SLC38A10: variants seen among roughly 807,000 people sequenced by gnomAD.
SLC38A10 encodes the protein Sodium-coupled neutral amino acid transporter 10.
A neutral mutation model predicts 81.0 loss-of-function variants in SLC38A10; 53 were observed. The observed-to-expected ratio is 0.65, with a 90% CI of 0.53 to 0.82. The LOEUF (loss-of-function observed/expected upper bound fraction) is 0.82, where lower values mean the gene tolerates loss of function less well. Among genes scored for constraint, SLC38A10 ranks in the 40% least tolerant of loss-of-function variants. The pLI, the probability that SLC38A10 is intolerant of heterozygous loss-of-function variation, is 0.00. For missense variants in SLC38A10, 1,471 were observed against 1,545.0 expected (o/e 0.95, Z 0.80); for synonymous variants, 665 against 655.3 (o/e 1.01, Z -0.23).
intron 1 of SLC38A10, among the ~76,000 whole-genome samples, chr17:81,292,852 C>T (rs2063321273): frequency 6.6e-6 from 1 of 152,180 alleles, no homozygotes; most frequent in Non-Finnish European, 1.5e-5. Flanking sequence ...TCAAAGATGA[C>T]AGCATTTGGG....
intron 1 of SLC38A10, among the ~76,000 whole-genome samples, chr17:81,293,342 G>A (rs2063324510): frequency 6.6e-6 from 1 of 152,258 alleles, no homozygotes; most frequent in Non-Finnish European, 1.5e-5. Context: ...ACCAGATGCT[G>A]CCCGGGGGGC....
intron 6 of SLC38A10, among the ~76,000 whole-genome samples, chr17:81,279,349 G>A (rs1174105383): frequency 6.6e-6 from 1 of 152,208 alleles, no homozygotes; most frequent in Non-Finnish European, 1.5e-5. Flanking sequence ...AATCACACAG[G>A]CAGGGGGCGC....
chr17:81,255,092 A>ACGGTGAG (rs1374049316), intron 11 of SLC38A10, among the ~76,000 whole-genome samples: 2 of 152,262 alleles, frequency 1.3e-5, no homozygotes, highest in African/African-American at 4.8e-5. Flanking sequence ...GGAAGTGAGC[A>ACGGTGAG]CGGTGAGCCG....
At chr17:81,292,545 C>A (rs2063319566) in intron 1 of SLC38A10, among the ~76,000 whole-genome samples, 1 of 152,126 alleles carries the variant, frequency 6.6e-6, no homozygotes, top group African/African-American at 2.4e-5. Flanking sequence ...CTGCTGGCGT[C>A]TCCCTGCGCC....
At chr17:81,249,599 G>A (rs967514510) in intron 14 of SLC38A10, among the ~76,000 whole-genome samples, 11 of 151,804 alleles carry the variant, frequency 7.2e-5, no homozygotes, top group Non-Finnish European at 1.0e-4. Flanking sequence ...CAGAAGCCAC[G>A]TGGGACACAT....
intron 11 of SLC38A10, among the ~76,000 whole-genome samples, chr17:81,255,319 C>T (rs2062961967): frequency 6.6e-6 from 1 of 152,278 alleles, no homozygotes; most frequent in Non-Finnish European, 1.5e-5. Flanking sequence ...CAGCCTTCTC[C>T]ACAACGGAGC....
chr17:81,266,265 CG>C (rs1314212240), intron 10 of SLC38A10, among the ~76,000 whole-genome samples: 1 of 152,206 alleles, frequency 6.6e-6, no homozygotes, highest in Non-Finnish European at 1.5e-5. Context: ...GTAAGGTGAA[CG>C]GGCGAAAATG....
chr17:81,286,274 C>T lies in SLC38A10; in HGVS notation c.218-1379G>A, dbSNP rs917018099. On this transcript the variant is annotated intron_variant, in intron 2 of 15. Coordinates refer to ENST00000374759, the MANE Select transcript of SLC38A10 (RefSeq NM_001037984.3). This position sits in a 1 kb window ranked among gnomAD's most constrained non-coding sequence, Gnocchi z 6.0. ...CTACAGCATATTCCAAACACGAGCG[C>T]ACCTTGCCCAAGAAGGTTCCGGAAT... Among the ~76,000 whole-genome samples, 11 of 152,190 alleles carry T rather than the reference C, an allele frequency of 7.2e-5. No individual in the cohort carries two copies. Among genetic ancestry groups the T allele is most frequent in the South Asian group, 2.1e-4 (1 of 4,838 alleles).
In SLC38A10 at chr17:81,270,318, G is replaced by A. The variant is rs2063103428; in HGVS notation, c.1131+600C>T. 6.6e-6 allele frequency among the ~76,000 whole-genome samples: 1 copy of A among 152,204 alleles called. No homozygotes were observed. The highest frequency in any genetic ancestry group is 2.1e-4 in the South Asian group (1 of 4,832). The stretch of plus-strand genomic sequence containing the variant: ...GCTCATGAACACAGATATTCATCGC[G>A]ATTCTGTCTGCAATAGCAAGACTGG... On this transcript the variant is annotated intron_variant, in intron 10 of 15. Coordinates refer to ENST00000374759, the MANE Select transcript of SLC38A10 (RefSeq NM_001037984.3). The surrounding 1 kb of genome is among the most constrained non-coding windows in gnomAD (Gnocchi z 4.0).
rs773010290 is a variant in SLC38A10 at position 81,245,755 on chromosome 17, C to T, written c.3161G>A (p.Arg1054Gln). 3.7e-5 allele frequency: 59 copies of T among 1,595,650 alleles called. No individual in the cohort carries two copies. Among genetic ancestry groups the T allele is most frequent in the African/African-American group, 1.1e-4 (8 of 74,634 alleles). Residue 1054 changes from arginine (R) to glutamine (Q), a missense_variant, in exon 16 of 16, where the codon CGG (arginine) becomes CAG (glutamine). By Grantham distance (43) the Arg-to-Gln change is conservative (BLOSUM62 1). Coordinates refer to ENST00000374759, the MANE Select transcript of SLC38A10 (RefSeq NM_001037984.3). ...QAGSDLRRRR[R>Q]DLGPHAEGQL... is the part of the protein sequence containing the mutation. ...ACCCTCTGCATGAGGGCCAAGGTCC[C>T]GCCGTCGCCTCCGGAGGTCGGAGCC...
intron 14 of SLC38A10, chr17:81,249,989 G>A (rs1337954380): frequency 8.2e-7 from 1 of 1,220,272 alleles, no homozygotes; most frequent in African/African-American, 1.6e-5. Context: ...CCTGGGGCAG[G>A]TGTGCCACCG....
chr17:81,252,739 AGGGAATTAGAACTGGGTTCTTCCCT>A (rs1217916056), intron 12 of SLC38A10, 56 bp from the exon 13 acceptor site: 2 of 1,526,764 alleles, frequency 1.3e-6, no homozygotes, highest in Admixed American at 4.2e-5. Flanking sequence ...TTCCCTTCCC[AGGGAATTAGAACTGGGTTCTTCCCT>A]GGGTTCTGGC....
rs1200836534 is a variant in SLC38A10, at chr17:81,270,977, A to C, written c.1072T>G (p.Cys358Gly). ...LTGATMGSLI[C>G]FICPALIYKK... The stretch of plus-strand genomic sequence containing the variant: ...TAGATCAGCGCCGGGCAGATGAAGC[A>C]GATGAGGCTTCCCATGGTCGCTCCT... Residue 358 changes from cysteine to glycine, a missense_variant, in exon 10 of 16, where the codon TGC (cysteine) becomes GGC (glycine). Around this residue, in one of 2 missense-constraint regions of SLC38A10, gnomAD observed 720 missense variants for 827.7 expected, o/e 0.87. Coordinates refer to ENST00000374759, the MANE Select transcript of SLC38A10 (RefSeq NM_001037984.3). This position sits in a 1 kb window ranked among gnomAD's most constrained non-coding sequence, Gnocchi z 4.0. The C allele has an allele frequency of 6.2e-7, 1 of 1,613,740 alleles. No homozygotes were observed. The highest frequency in any genetic ancestry group is 8.5e-7 in the Non-Finnish European group (1 of 1,180,034).
chr17:81,260,207 G>A (rs953759466), intron 11 of SLC38A10, 31 bp downstream of exon 11: 1 of 1,576,806 alleles, frequency 6.3e-7, no homozygotes, highest in Non-Finnish European at 8.6e-7. Flanking sequence ...CACTTGCCCT[G>A]AGAAGGCTCA....
Position 81,249,586 on chromosome 17 carries a change from A to C in SLC38A10, c.2065+1907T>G, listed in dbSNP as rs570730393. On this transcript the variant is annotated intron_variant, in intron 14 of 15. Coordinates refer to ENST00000374759, the MANE Select transcript of SLC38A10 (RefSeq NM_001037984.3). ...GGGGGGAAGGAGCCATGCCACGTCC[A>C]GCCAGAAGCCACGTGGGACACATGT... Among the ~76,000 whole-genome samples, 16 of 129,472 alleles carry C rather than the reference A, an allele frequency of 1.2e-4. No homozygotes were observed. The South Asian group carries it at 3.6e-3, about 29-fold the overall frequency. 84.9% of individuals were successfully genotyped at this position (129,472 alleles called of 152,430 possible). A position where few individuals can be genotyped will look rare whatever the true frequency, so the allele number is the denominator to read the frequency against.
Position 81,246,532 on chromosome 17 carries a change from G to C in SLC38A10, c.2384C>G (p.Ser795Cys). The C allele has an allele frequency of 6.6e-7, 1 of 1,524,142 alleles. No homozygotes were observed. The highest frequency in any genetic ancestry group is 8.8e-7 in the Non-Finnish European group (1 of 1,138,064). The allele number at this position is 1,524,142 out of a possible 1,614,324, so 94.4% of individuals were successfully genotyped here. A position where few individuals can be genotyped will look rare whatever the true frequency, so the allele number is the denominator to read the frequency against. ...CAGGGAGCGCTGGTTAAGGTCCTGGGATGGAGCAGGGCGGCCCCCAGGAGC... is the reference window on the plus strand; with the variant it reads ...CAGGGAGCGCTGGTTAAGGTCCTGGCATGGAGCAGGGCGGCCCCCAGGAGC... ...LRAPGGRPAP[S>C]QDLNQRSLEH... Residue 795 changes from serine to cysteine, a missense_variant, in exon 16 of 16, where the codon TCC becomes TGC. Coordinates refer to ENST00000374759, the MANE Select transcript of SLC38A10 (RefSeq NM_001037984.3).
Position 81,289,491 on chromosome 17 carries a change from G to C in SLC38A10, c.217+200C>G, listed in dbSNP as rs1308759599. On this transcript the variant is annotated intron_variant, in intron 2 of 15. Coordinates refer to ENST00000374759, the MANE Select transcript of SLC38A10 (RefSeq NM_001037984.3). This position sits in a 1 kb window ranked among gnomAD's most constrained non-coding sequence, Gnocchi z 5.9. ...AGGCTCAGGTGATCCTCCCACCTCA[G>C]CCTCCCAAATAGTAGCTGGGACGAC... Among the ~76,000 whole-genome samples, 1 of 151,798 alleles carries C rather than the reference G, an allele frequency of 6.6e-6. No homozygotes were observed. The highest frequency in any genetic ancestry group is 1.5e-5 in the Non-Finnish European group (1 of 67,972).
At chr17:81,287,384 T>C (rs926790112) in intron 2 of SLC38A10, among the ~76,000 whole-genome samples, 2 of 152,192 alleles carry the variant, frequency 1.3e-5, no homozygotes, top group African/African-American at 2.4e-5. Flanking sequence ...GTGGAGCTGC[T>C]GTCCACTCTG....
At chr17:81,291,942 G>A (rs1598409396) in intron 1 of SLC38A10, among the ~76,000 whole-genome samples, 1 of 152,162 alleles carries the variant, frequency 6.6e-6, no homozygotes, top group Non-Finnish European at 1.5e-5. Flanking sequence ...CGGGTAGGCC[G>A]CCACGGCCAC....
Sources: gnomAD v4.1 joint callset for allele counts (sites outside exome capture counted in the v4.1 genomes callset) on GRCh38, gnomAD v4.1.1 for gene constraint, gnomAD v4.1.1 regional missense constraint, Gnocchi (gnomAD v3.1) non-coding constraint, MANE v1.5 for transcripts, NCBI Gene and HGNC (gene_info 2026-07-23, HGNC 2026-07-21) for gene names.